Variants in BPIFC observed in about 807,000 individuals in gnomAD.
BPIFC encodes the protein BPI fold-containing family C protein.
BPIFC carries 60 observed loss-of-function variants against 57.6 expected under a neutral mutation model. The ratio of observed to expected loss-of-function variants is 1.04; its 90% CI spans 0.85 to 1.29. The LOEUF (loss-of-function observed/expected upper bound fraction) is 1.29. Among genes scored for constraint, BPIFC ranks in the 50% most tolerant of loss-of-function variants. The probability of loss-of-function intolerance (pLI) is 0.00; values close to 1 mark genes in which losing one functional copy is unlikely to be tolerated. For synonymous variants in BPIFC, 243 were observed against 224.5 expected (o/e 1.08, Z -0.74); for missense variants, 581 against 600.5 (o/e 0.97, Z 0.34).
intron 5 of BPIFC, chr22:32,446,930 G>T: frequency 3.9e-6 from 2 of 516,348 alleles, no homozygotes; most frequent in Non-Finnish European, 5.0e-6. Flanking sequence ...AAAATGTTGA[G>T]CATGCATCTG....
At chr22:32,440,902 C>T (rs1282825702) in intron 8 of BPIFC, among the ~76,000 whole-genome samples, 1 of 152,100 alleles carries the variant, frequency 6.6e-6, no homozygotes, top group African/African-American at 2.4e-5. Context: ...GACCCCCTTC[C>T]TTCCTGTCTA....
At chr22:32,439,438 C>G (rs957312957) in intron 8 of BPIFC, among the ~76,000 whole-genome samples, 1 of 152,130 alleles carries the variant, frequency 6.6e-6, no homozygotes, top group African/African-American at 2.4e-5. Context: ...TTCCTGACCA[C>G]CATTATGTGT....
At chr22:32,415,146 G>A (rs575420245) in intron 16 of BPIFC, among the ~76,000 whole-genome samples, 83 of 152,340 alleles carry the variant, frequency 5.4e-4, no homozygotes, top group African/African-American at 1.9e-3. Flanking sequence ...CCCTTGCACA[G>A]GCAGTTCACA....
In BPIFC at chr22:32,414,161, A is replaced by G; in HGVS notation, c.*142T>C. 1 of 1,153,252 alleles carries G rather than the reference A, an allele frequency of 8.7e-7. No homozygotes were observed. Among genetic ancestry groups the G allele is most frequent in the Non-Finnish European group, 1.2e-6 (1 of 824,904 alleles). 71.4% of individuals were successfully genotyped at this position (1,153,252 alleles called of 1,614,324 possible). A position where few individuals can be genotyped will look rare whatever the true frequency, so the allele number is the denominator to read the frequency against. ...GAGTCTGCCTTATTCTGGGTTCCTGAAGGCTTAAGAAAGAAAACTTTCTGC... is the reference window on the plus strand; with the variant it reads ...GAGTCTGCCTTATTCTGGGTTCCTGGAGGCTTAAGAAAGAAAACTTTCTGC... On this transcript the variant is annotated 3_prime_UTR_variant, in exon 17 of 17. Transcript: ENST00000300399.
intron 10 of BPIFC, among the ~76,000 whole-genome samples, chr22:32,434,228 ATTC>A: frequency 7.6e-6 from 1 of 131,374 alleles, no homozygotes; most frequent in Non-Finnish European, 1.6e-5. Flanking sequence ...ATGTGTACAT[ATTC>A]TTTATTTATA....
At chr22:32,463,715 C>G (rs5998500) in intron 1 of BPIFC, among the ~76,000 whole-genome samples, 59 of 151,978 alleles carry the variant, frequency 3.9e-4, no homozygotes, top group African/African-American at 1.4e-3. Context: ...ACAAAATGAC[C>G]GTACATAAGA....
intron 13 of BPIFC, among the ~76,000 whole-genome samples, chr22:32,424,447 A>G (rs1183260844): frequency 6.6e-6 from 1 of 151,796 alleles, no homozygotes; most frequent in Non-Finnish European, 1.5e-5. Flanking sequence ...TCTTTCTTTT[A>G]TCAATGCTGA....
At chr22:32,427,644 C>G (rs1655404252) in intron 13 of BPIFC, among the ~76,000 whole-genome samples, 4 of 152,162 alleles carry the variant, frequency 2.6e-5, no homozygotes, top group Admixed American at 2.6e-4. Flanking sequence ...CAGATGCTGC[C>G]AATTTCTCAC....
chr22:32,433,688 C>T, intron 11 of BPIFC, 31 bp downstream of exon 11: 4 of 1,604,968 alleles, frequency 2.5e-6, no homozygotes, highest in Non-Finnish European at 3.4e-6. Flanking sequence ...GAGCCAAATA[C>T]ACTATCAAGA....
intron 13 of BPIFC, among the ~76,000 whole-genome samples, chr22:32,424,971 G>A (rs551854023): frequency 1.3e-5 from 2 of 151,802 alleles, no homozygotes; most frequent in African/African-American, 4.8e-5. Context: ...TAGTAGAGAT[G>A]GAGTTTCACC....
Position 32,459,828 on chromosome 22 carries a change from G to A in BPIFC, c.-1+1746C>T, listed in dbSNP as rs574257338. On this transcript the variant is annotated intron_variant, in intron 2 of 16. Coordinates refer to ENST00000300399, the MANE Select transcript of BPIFC (RefSeq NM_174932.3). Reference sequence around the variant, plus strand: ...ATCATGCCACTGCACTCCAGCTTGGGCAACGGAGCAAGATCCTGTCTCAAA... The same window carrying A: ...ATCATGCCACTGCACTCCAGCTTGGACAACGGAGCAAGATCCTGTCTCAAA... 2.0e-5 allele frequency among the ~76,000 whole-genome samples: 3 copies of A among 151,602 alleles called. No homozygotes were observed. In the South Asian group the frequency reaches 6.2e-4, roughly 32 times the overall value.
At chr22:32,419,237 A>T in intron 14 of BPIFC, 125 bp downstream of exon 14, 2 of 1,000,328 alleles carry the variant, frequency 2.0e-6, no homozygotes, top group African/African-American at 1.7e-5. Context: ...TTTCAAAGTT[A>T]AGTCCTACAA....
chr22:32,435,562 C>T (rs1934365847), intron 10 of BPIFC, 142 bp downstream of exon 10: 2 of 802,016 alleles, frequency 2.5e-6, no homozygotes, highest in East Asian at 5.4e-5. Context: ...CCACAATTCC[C>T]TCATTCCTTC....
At chr22:32,454,720 T>C (rs1174408845) in intron 3 of BPIFC, among the ~76,000 whole-genome samples, 1 of 152,150 alleles carries the variant, frequency 6.6e-6, no homozygotes, top group African/African-American at 2.4e-5. Context: ...GAAAAAAATA[T>C]TGCAATATGG....
At chr22:32,449,827 C>T (rs879672871) in intron 4 of BPIFC, among the ~76,000 whole-genome samples, 23 of 151,844 alleles carry the variant, frequency 1.5e-4, no homozygotes, top group South Asian at 2.1e-4. Flanking sequence ...CTCCGCCTCC[C>T]GGGTTCACGC....
Position 32,457,148 on chromosome 22 carries a change from C to T in BPIFC, c.124+115G>A. 3 of 1,251,994 alleles carry T rather than the reference C, an allele frequency of 2.4e-6. No individual in the cohort carries two copies. The South Asian group carries it at 5.2e-5, about 22-fold the overall frequency. The allele number at this position is 1,251,994 out of a possible 1,614,324, so 77.6% of individuals were successfully genotyped here. A position where few individuals can be genotyped will look rare whatever the true frequency, so the allele number is the denominator to read the frequency against. On this transcript the variant is annotated intron_variant, in intron 3 of 16. Coordinates refer to ENST00000300399, the MANE Select transcript of BPIFC (RefSeq NM_174932.3). The stretch of plus-strand genomic sequence containing the variant: ...GTTTCTGCATAAGGTACTGGATCAC[C>T]CCACAGTACGGCGTTTCTCAGTCAG...
At position 32,447,255 on chromosome 22, in the gene BPIFC, T is replaced by G; in HGVS notation, c.331A>C (p.Thr111Pro). Reference protein sequence around the residue: ...VGIKALTNHGTANISTDWGFE... With the variant: ...VGIKALTNHGPANISTDWGFE... ...CCCCAGTCTGTGCTGATGTTGGCAG[T>G]GCCATGGTTGGTTAGCGCTTTGATT... Residue 111 changes from threonine to proline, a missense_variant, in exon 5 of 17, where the codon ACT becomes CCT. Thr to Pro is a conservative substitution (Grantham distance 38). Coordinates refer to ENST00000300399, the MANE Select transcript of BPIFC (RefSeq NM_174932.3). The G allele has an allele frequency of 6.2e-7, 1 of 1,614,080 alleles. No homozygotes were observed. The highest frequency in any genetic ancestry group is 8.5e-7 in the Non-Finnish European group (1 of 1,179,980).
intron 13 of BPIFC, among the ~76,000 whole-genome samples, chr22:32,430,914 G>A (rs1458990233): frequency 6.6e-6 from 1 of 152,028 alleles, no homozygotes; most frequent in Non-Finnish European, 1.5e-5. Context: ...GGGATTACAG[G>A]TGAGAGCCTG....
rs539777642 is a variant in BPIFC, at chr22:32,459,653, A to G, written c.-1+1921T>C. 4.0e-5 allele frequency among the ~76,000 whole-genome samples: 6 copies of G among 151,826 alleles called. No individual in the cohort carries two copies. The East Asian group carries it at 9.7e-4, about 25-fold the overall frequency. ...ACTCCAGCCTGGGCGACAGAGTGAG[A>G]CTCCATTTCCAAAAATAAAAAATAA... is the stretch of plus-strand genomic sequence containing the variant. On this transcript the variant is annotated intron_variant, in intron 2 of 16. Transcript: ENST00000300399.
Sources: allele counts gnomAD v4.1 joint callset (sites outside exome capture counted in the v4.1 genomes callset), GRCh38; gene constraint gnomAD v4.1.1; transcripts MANE v1.5; gene names NCBI Gene and HGNC (gene_info 2026-07-23, HGNC 2026-07-21).